Variants in TMC1 observed in about 807,000 individuals in gnomAD.
TMC1 encodes transmembrane channel like 1, also known as transmembrane channel-like protein 1.
In TMC1, 84 loss-of-function variants were observed where a neutral mutation model predicts 105.8. That is an observed-to-expected ratio of 0.79 (90% CI 0.67 to 0.95). The LOEUF is 0.95. Ranked by LOEUF, TMC1 falls within the 40% of genes least tolerant of loss-of-function variation. The pLI, the probability that TMC1 is intolerant of heterozygous loss-of-function variation, is 0.00. For missense variants in TMC1, 817 were observed against 914.1 expected, an observed-to-expected ratio of 0.89 and a Z score of 1.37; for synonymous variants, 315 against 311.5, an observed-to-expected ratio of 1.01 and a Z score of -0.12.
chr9:72,631,943 G>A (rs543885748), intron 4 of TMC1, among the ~76,000 whole-genome samples: 1 of 152,192 alleles, frequency 6.6e-6, no homozygotes, highest in Admixed American at 6.5e-5. Context: ...AATAGTGAAC[G>A]GTGGCAAGGA....
intron 5 of TMC1, among the ~76,000 whole-genome samples, chr9:72,659,992 A>G (rs896737324): frequency 1.3e-5 from 2 of 151,914 alleles, no homozygotes; most frequent in African/African-American, 4.8e-5. Flanking sequence ...ATCATTTTCT[A>G]CCCCTGAGTG....
chr9:72,791,970 A>T lies in TMC1; in HGVS notation c.1309A>T (p.Ile437Phe), dbSNP rs770517350. The T allele has an allele frequency of 1.2e-6, 2 of 1,613,582 alleles. No individual in the cohort carries two copies. The highest frequency in any genetic ancestry group is 1.7e-5 in the Admixed American group (1 of 59,994). ...FAELEDYHPL[I>F]ALKWLLGRIF... ...TGAATTAGAAGACTACCATCCTCTC[A>T]TCGCTTTGAAATGGCTACTGGGACG... Residue 437 changes from isoleucine to phenylalanine, a missense_variant, in exon 16 of 24, where the codon ATC (isoleucine) becomes TTC (phenylalanine). Physicochemically the swap from Ile to Phe is conservative, Grantham distance 21. Transcript: ENST00000297784.
intron 4 of TMC1, among the ~76,000 whole-genome samples, chr9:72,642,795 C>T (rs994328729): frequency 6.6e-6 from 1 of 152,142 alleles, no homozygotes; most frequent in African/African-American, 2.4e-5. Flanking sequence ...CCTTTAAGTT[C>T]TATGAGTTTT....
chr9:72,683,980 T>C (rs977379034), intron 5 of TMC1, among the ~76,000 whole-genome samples: 1 of 151,554 alleles, frequency 6.6e-6, no homozygotes, highest in Non-Finnish European at 1.5e-5. Flanking sequence ...TTTGAATTGC[T>C]ATAGTGGACT....
intron 18 of TMC1, among the ~76,000 whole-genome samples, chr9:72,812,455 T>A (rs898330006): frequency 1.3e-5 from 2 of 152,224 alleles, no homozygotes; most frequent in African/African-American, 4.8e-5. Flanking sequence ...TATTCTCAAC[T>A]AGGGTTGAAG....
At position 72,767,725 on chromosome 9, in the gene TMC1, C is replaced by A. The variant is rs116529369; in HGVS notation, c.742-4688C>A. 3.7e-3 allele frequency among the ~76,000 whole-genome samples: 569 copies of A among 152,324 alleles called. 4 individuals are homozygous for A. Among genetic ancestry groups the A allele is most frequent in the African/African-American group, 0.013 (544 of 41,570 alleles). ...GTTGGACAGAAATTTTCTGTGCTCA[C>A]TGGGAACTTGGCTCTGACTCTGGTT... is the stretch of plus-strand genomic sequence containing the variant. On this transcript the variant is annotated intron_variant, in intron 12 of 23. Coordinates refer to ENST00000297784, the MANE Select transcript of TMC1 (RefSeq NM_138691.3).
At position 72,628,481 on chromosome 9, in the gene TMC1, G is replaced by A. The variant is rs1391729021; in HGVS notation, c.-53+418G>A. 3 of 166,804 alleles carry A rather than the reference G, an allele frequency of 1.8e-5. No individual in the cohort carries two copies. The East Asian group carries it at 5.2e-4, about 29-fold the overall frequency. 10.3% of individuals were successfully genotyped at this position (166,804 alleles called of 1,614,324 possible). A position where few individuals can be genotyped will look rare whatever the true frequency, so the allele number is the denominator to read the frequency against. On this transcript the variant is annotated intron_variant, in intron 4 of 23. Transcript: ENST00000297784. ...AGCCACGTTTCGGAGGGTTTCTGGTGTGTGTACGTGTGCACTTGCATGTGT... is the reference window on the plus strand; with the variant it reads ...AGCCACGTTTCGGAGGGTTTCTGGTATGTGTACGTGTGCACTTGCATGTGT...
At chr9:72,693,514 C>T (rs1167461890) in intron 6 of TMC1, among the ~76,000 whole-genome samples, 1 of 152,064 alleles carries the variant, frequency 6.6e-6, no homozygotes, top group Non-Finnish European at 1.5e-5. Context: ...GTATAATTTT[C>T]AAAGTTGTCA....
At chr9:72,739,131 C>T (rs924629813) in intron 8 of TMC1, among the ~76,000 whole-genome samples, 3 of 152,302 alleles carry the variant, frequency 2.0e-5, no homozygotes, top group East Asian at 1.9e-4. Flanking sequence ...AGTCTAAAAT[C>T]GAAGTGCCAG....
intron 1 of TMC1, among the ~76,000 whole-genome samples, chr9:72,557,390 C>G (rs1279228811): frequency 6.6e-6 from 1 of 151,994 alleles, no homozygotes; most frequent in Non-Finnish European, 1.5e-5. Context: ...AACAAAAAAA[C>G]AGAAATGACT....
At chr9:72,607,393 G>C (rs1824940620) in intron 2 of TMC1, among the ~76,000 whole-genome samples, 1 of 152,012 alleles carries the variant, frequency 6.6e-6, no homozygotes, top group African/African-American at 2.4e-5. Flanking sequence ...GCCGAGGTGG[G>C]AGGATCACAA....
intron 12 of TMC1, among the ~76,000 whole-genome samples, chr9:72,764,012 T>C (rs776966300): frequency 6.6e-6 from 1 of 152,158 alleles, no homozygotes; most frequent in Non-Finnish European, 1.5e-5. Context: ...GCCAAACTAA[T>C]AGATTAAAGG....
chr9:72,790,086 G>A (rs954146044), intron 15 of TMC1, among the ~76,000 whole-genome samples: 1 of 152,160 alleles, frequency 6.6e-6, no homozygotes, highest in African/African-American at 2.4e-5. Context: ...TGTTGCTAGA[G>A]TCTGTTCCCG....
At chr9:72,744,212 C>T (rs1827448086) in intron 10 of TMC1, among the ~76,000 whole-genome samples, 1 of 152,170 alleles carries the variant, frequency 6.6e-6, no homozygotes, top group African/African-American at 2.4e-5. Flanking sequence ...CTTTAATTTC[C>T]TCCTTAACAC....
chr9:72,732,007 A>G (rs186933214), intron 8 of TMC1, among the ~76,000 whole-genome samples: 1 of 152,230 alleles, frequency 6.6e-6, no homozygotes, highest in African/African-American at 2.4e-5. Context: ...ACAGAAAAGC[A>G]TAGGACCACA....
chr9:72,630,465 T>G (rs1825430259), intron 4 of TMC1, among the ~76,000 whole-genome samples: 1 of 152,254 alleles, frequency 6.6e-6, no homozygotes, highest in South Asian at 2.1e-4. Flanking sequence ...GGTTTGGTAC[T>G]TTATAATAGG....
At chr9:72,647,644 G>T (rs1825736422) in intron 4 of TMC1, among the ~76,000 whole-genome samples, 1 of 152,106 alleles carries the variant, frequency 6.6e-6, no homozygotes, top group Non-Finnish European at 1.5e-5. Context: ...TTTATTTTAA[G>T]ACATAATTTA....
At chr9:72,697,968 T>C (rs1826578604) in intron 7 of TMC1, among the ~76,000 whole-genome samples, 1 of 152,046 alleles carries the variant, frequency 6.6e-6, no homozygotes, top group South Asian at 2.1e-4. Flanking sequence ...ATGGAAACAA[T>C]TGTGATCATT....
At chr9:72,574,116 A>G (rs1256981211) in intron 1 of TMC1, among the ~76,000 whole-genome samples, 1 of 152,234 alleles carries the variant, frequency 6.6e-6, no homozygotes, top group African/African-American at 2.4e-5. Context: ...TGCAAAAGCC[A>G]TGATCTTGTT....
Sources: gnomAD v4.1 joint callset for allele counts (sites outside exome capture counted in the v4.1 genomes callset) on GRCh38, gnomAD v4.1.1 for gene constraint, MANE v1.5 for transcripts, NCBI Gene and HGNC (gene_info 2026-07-23, HGNC 2026-07-21) for gene names.